The following ATP12A variants were observed in gnomAD, a reference collection of about 807,000 sequenced individuals.
The protein encoded by ATP12A is potassium-transporting ATPase alpha chain 2.
Under a neutral mutation model 111.2 loss-of-function variants are expected in ATP12A, and 81 were observed. The observed-to-expected ratio is 0.73, with a 90% CI of 0.61 to 0.88. ATP12A has a LOEUF of 0.88. ATP12A is among the 40% of genes least tolerant of loss of function. ATP12A has a pLI of 0.00. For synonymous variants in ATP12A, 498 were observed against 499.8 expected, an observed-to-expected ratio of 1.00 and a Z score of 0.05; for missense variants, 1,196 against 1,313.1, an observed-to-expected ratio of 0.91 and a Z score of 1.38.
Position 24,685,211 on chromosome 13 carries a change from T to G in ATP12A, c.169-103T>G. The G allele has an allele frequency of 9.2e-7, 1 of 1,083,072 alleles. No individual in the cohort carries two copies. Among genetic ancestry groups the G allele is most frequent in the South Asian group, 1.3e-5 (1 of 77,910 alleles). The allele number at this position is 1,083,072 out of a possible 1,614,324, so 67.1% of individuals were successfully genotyped here. ...CCCCACACTCCTCGATCCCCTCCCA[T>G]CCTCAGGGCTGCTACTCCCAGCTTC... On this transcript the variant is annotated intron_variant, in intron 2 of 22. Transcript: ENST00000381946. The surrounding 1 kb of genome is among the most constrained non-coding windows in gnomAD (Gnocchi z 5.5).
At chr13:24,683,393 A>G (rs1305113549) in intron 2 of ATP12A, among the ~76,000 whole-genome samples, 2 of 152,198 alleles carry the variant, frequency 1.3e-5, no homozygotes, top group Non-Finnish European at 2.9e-5. Flanking sequence ...GGCAGATCTT[A>G]AAGCTCTGTG....
chr13:24,680,685 G>A lies in ATP12A; in HGVS notation c.-59G>A, dbSNP rs1874395725. The A allele has an allele frequency of 2.0e-6, 3 of 1,498,090 alleles. No homozygotes were observed. The highest frequency in any genetic ancestry group is 2.7e-6 in the Non-Finnish European group (3 of 1,130,308). The allele number at this position is 1,498,090 out of a possible 1,614,324, so 92.8% of individuals were successfully genotyped here. ...CACGAGGCCCCCCACCGTGCGCTCC[G>A]CCGCTGCGGTCCCGGATCCGCGCTC... On this transcript the variant is annotated 5_prime_UTR_variant, in exon 1 of 23. Coordinates refer to ENST00000381946, the MANE Select transcript of ATP12A (RefSeq NM_001676.7).
At chr13:24,708,942 A>AAAGGAAGG (rs1265981069) in intron 17 of ATP12A, among the ~76,000 whole-genome samples, 49 of 107,860 alleles carry the variant, frequency 4.5e-4, no homozygotes, top group Middle Eastern at 3.9e-3. Flanking sequence ...AGAAAGAAAG[A>AAAGGAAGG]AAGAAAGAAA....
intron 14 of ATP12A, among the ~76,000 whole-genome samples, chr13:24,702,332 A>C (rs187021382): frequency 6.6e-6 from 1 of 152,396 alleles, no homozygotes; most frequent in African/African-American, 2.4e-5. Flanking sequence ...TGCCCTGGGC[A>C]CAAAACCTAT....
chr13:24,692,657 A>G, intron 9 of ATP12A, 30 bp downstream of exon 9: 5 of 1,603,994 alleles, frequency 3.1e-6, no homozygotes, highest in Non-Finnish European at 4.3e-6. Context: ...CGGTCTGGCC[A>G]AAGCTGTGGA....
At chr13:24,708,870 GAGAA>G (rs1163261853) in intron 17 of ATP12A, among the ~76,000 whole-genome samples, 9 of 113,612 alleles carry the variant, frequency 7.9e-5, no homozygotes, top group South Asian at 2.7e-4. Context: ...AAGAGAGAAA[GAGAA>G]AGAGAGAGAA....
intron 11 of ATP12A, among the ~76,000 whole-genome samples, chr13:24,698,006 A>G (rs908896827): frequency 9.2e-5 from 14 of 152,174 alleles, no homozygotes; most frequent in African/African-American, 3.1e-4. Context: ...GAAGGGCTAG[A>G]TAAGAGTTAG....
In ATP12A at chr13:24,685,248, A is replaced by G. The variant is rs1874625966; in HGVS notation, c.169-66A>G. The G allele has an allele frequency of 1.3e-6, 2 of 1,521,708 alleles. No individual in the cohort carries two copies. Among genetic ancestry groups the G allele is most frequent in the Non-Finnish European group, 1.8e-6 (2 of 1,096,260 alleles). 94.3% of individuals were successfully genotyped at this position (1,521,708 alleles called of 1,614,324 possible). On this transcript the variant is annotated intron_variant, in intron 2 of 22. Coordinates refer to ENST00000381946, the MANE Select transcript of ATP12A (RefSeq NM_001676.7). This position sits in a 1 kb window ranked among gnomAD's most constrained non-coding sequence, Gnocchi z 5.5. ...CTACTCCCAGCTTCCATGGCTGGTCAAAGCTTGGGGCTTGAGTCTTTTGGA... is the reference window on the plus strand; with the variant it reads ...CTACTCCCAGCTTCCATGGCTGGTCGAAGCTTGGGGCTTGAGTCTTTTGGA...
intron 10 of ATP12A, 143 bp downstream of exon 10, chr13:24,693,039 C>A: frequency 2.8e-6 from 2 of 712,116 alleles, no homozygotes; most frequent in Admixed American, 2.9e-5. Flanking sequence ...CACAAGACAT[C>A]CAGAAATTTT....
At position 24,683,387 on chromosome 13, in the gene ATP12A, G is replaced by A. The variant is rs574319272; in HGVS notation, c.168+1667G>A. On this transcript the variant is annotated intron_variant, in intron 2 of 22. Transcript: ENST00000381946. ...TGGATTGTCCCCACCGTCCTTGGCA[G>A]ATCTTAAAGCTCTGTGACTCCTGAG... Among the ~76,000 whole-genome samples the A allele has an allele frequency of 1.4e-4, 21 of 152,354 alleles. No individual in the cohort carries two copies. In the South Asian group the frequency reaches 4.3e-3, roughly 32 times the overall value.
Position 24,707,421 on chromosome 13 carries a change from G to C in ATP12A, c.2481G>C (p.Leu827Phe), listed in dbSNP as rs1263447308. Residue 827 changes from leucine (L) to phenylalanine (F), a missense_variant, in exon 17 of 23, where the codon TTG (leucine) becomes TTC (phenylalanine). Transcript: ENST00000381946. Reference protein sequence around the residue: ...IGTITILFIDLGTDIIPSIAL... With the variant: ...IGTITILFIDFGTDIIPSIAL... ...CCATCACCATTCTGTTCATTGACTT[G>C]GGGACAGACATTGTAAGTGACACTG... 1 of 1,614,174 alleles carries C rather than the reference G, an allele frequency of 6.2e-7. No homozygotes were observed. The highest frequency in any genetic ancestry group is 8.5e-7 in the Non-Finnish European group (1 of 1,180,038).
At position 24,681,863 on chromosome 13, in the gene ATP12A, C is replaced by T. The variant is rs1464455855; in HGVS notation, c.168+143C>T. The T allele has an allele frequency of 1.0e-5, 11 of 1,101,228 alleles. No individual in the cohort carries two copies. The Admixed American group carries it at 1.0e-4, about 10-fold the overall frequency. 68.2% of individuals were successfully genotyped at this position (1,101,228 alleles called of 1,614,324 possible). On this transcript the variant is annotated intron_variant, in intron 2 of 22. Transcript: ENST00000381946. ...GATTGTGTGTGGTGTGTGGTGTCTG[C>T]GTGGTGTGTCTGTGTGGTGTGTGTG...
intron 10 of ATP12A, among the ~76,000 whole-genome samples, chr13:24,693,654 C>T (rs1003377379): frequency 5.3e-5 from 8 of 152,210 alleles, no homozygotes; most frequent in African/African-American, 7.2e-5. Flanking sequence ...AACTTCCACC[C>T]GTACCCAGCC....
chr13:24,699,833 C>T (rs749676578), intron 12 of ATP12A, among the ~76,000 whole-genome samples: 1 of 152,118 alleles, frequency 6.6e-6, no homozygotes, highest in Non-Finnish European at 1.5e-5. Context: ...GTTGACGATC[C>T]GGCTCATTAA....
Position 24,692,914 on chromosome 13 carries a change from C to T in ATP12A, c.1377+18C>T, listed in dbSNP as rs1349558880. On this transcript the variant is annotated intron_variant, in intron 10 of 22. Transcript: ENST00000381946. ...TCATGAAGGTAATGCTTCTGCAGCA[C>T]TTGGTCTTAAATCACAGCCAGTTTG... 6.2e-7 allele frequency: 1 copy of T among 1,606,642 alleles called. No individual in the cohort carries two copies. Among genetic ancestry groups the T allele is most frequent in the Non-Finnish European group, 8.5e-7 (1 of 1,173,400 alleles).
Position 24,691,023 on chromosome 13 carries a change from A to G in ATP12A, c.841A>G (p.Ile281Val). 6.2e-7 allele frequency: 1 copy of G among 1,614,208 alleles called. No homozygotes were observed. The highest frequency in any genetic ancestry group is 8.5e-7 in the Non-Finnish European group (1 of 1,180,032). ...GMVINTGDRT[I>V]IGHIASLASG... ...GGTTATCAACACGGGTGACCGCACCATCATTGGCCATATTGCCTCATTGGC... is the reference window on the plus strand; with the variant it reads ...GGTTATCAACACGGGTGACCGCACCGTCATTGGCCATATTGCCTCATTGGC... Residue 281 changes from isoleucine (I) to valine (V), a missense_variant, in exon 8 of 23, where the codon ATC becomes GTC. This residue lies in a region of ATP12A where 1,126 missense variants were observed against 1,228.5 expected (regional missense o/e 0.92). Transcript: ENST00000381946.
intron 14 of ATP12A, 135 bp downstream of exon 14, chr13:24,702,206 T>G (rs891626544): frequency 2.6e-6 from 3 of 1,139,850 alleles, no homozygotes; most frequent in African/African-American, 3.1e-5. Context: ...AGCTATTATT[T>G]GCATATCCAT....
chr13:24,681,505 A>C, intron 1 of ATP12A, 57 bp from the exon 2 acceptor site: 1 of 1,581,066 alleles, frequency 6.3e-7, no homozygotes, highest in Non-Finnish European at 8.6e-7. Flanking sequence ...AGGGGCGCTC[A>C]GCACCTCTTC....
chr13:24,700,676 C>T, intron 12 of ATP12A, 71 bp from the exon 13 acceptor site: 1 of 1,438,506 alleles, frequency 7.0e-7, no homozygotes, highest in Non-Finnish European at 9.6e-7. Flanking sequence ...GGTGTATGAG[C>T]ATGTTCTCCT....
Sources: allele counts gnomAD v4.1 joint callset (sites outside exome capture counted in the v4.1 genomes callset), GRCh38; gene constraint gnomAD v4.1.1; regional missense constraint gnomAD v4.1.1; non-coding constraint Gnocchi (gnomAD v3.1); transcripts MANE v1.5; gene names NCBI Gene and HGNC (gene_info 2026-07-23, HGNC 2026-07-21).